The following CA10 variants were observed in gnomAD, a reference collection of about 807,000 sequenced individuals.
CA10 encodes the protein carbonic anhydrase-related protein 10.
In CA10, 14 loss-of-function variants were observed where a neutral mutation model predicts 44.2. The observed-to-expected ratio is 0.32, with a 90% CI of 0.21 to 0.50. CA10 has a LOEUF of 0.50. CA10 is among the 20% of genes least tolerant of loss of function. The pLI is 0.99. For synonymous variants in CA10, 159 were observed against 141.6 expected (o/e 1.12, Z -0.87); for missense variants, 350 against 409.7 (o/e 0.85, Z 1.26).
intron 3 of CA10, among the ~76,000 whole-genome samples, chr17:51,886,241 A>G (rs1421082808): frequency 6.6e-6 from 1 of 152,224 alleles, no homozygotes; most frequent in Admixed American, 6.5e-5. Flanking sequence ...AGTCTTAGAT[A>G]TAGATGAGAA....
intron 4 of CA10, among the ~76,000 whole-genome samples, chr17:51,668,191 A>G (rs1485136167): frequency 6.6e-6 from 1 of 152,168 alleles, no homozygotes; most frequent in Non-Finnish European, 1.5e-5. Flanking sequence ...GGCATTCCCA[A>G]GGGCGAGTGG....
In CA10 at chr17:51,697,624, C is replaced by A. The variant is rs1915446149; in HGVS notation, c.466-43888G>T. 2.6e-5 allele frequency among the ~76,000 whole-genome samples: 4 copies of A among 152,220 alleles called. 1 individual carries two copies. In the South Asian group the frequency reaches 8.3e-4, roughly 32 times the overall value. ...GTTGTATTTATTAATTAGTATCTATCTCCAACTGCTAGAATGTAAGCCATA... is the reference window on the plus strand; with the variant it reads ...GTTGTATTTATTAATTAGTATCTATATCCAACTGCTAGAATGTAAGCCATA... On this transcript the variant is annotated intron_variant, in intron 4 of 8. Transcript: ENST00000451037.
intron 3 of CA10, among the ~76,000 whole-genome samples, chr17:51,833,959 T>G (rs1407103253): frequency 2.0e-5 from 3 of 152,248 alleles, no homozygotes; most frequent in Non-Finnish European, 4.4e-5. Context: ...GGCACTGTAA[T>G]GAGGAAAGAA....
chr17:51,965,834 C>T (rs1233135241), intron 2 of CA10, among the ~76,000 whole-genome samples: 6 of 151,870 alleles, frequency 4.0e-5, no homozygotes, highest in Admixed American at 6.6e-5. Context: ...CTCACCACTC[C>T]TATTTAACAT....
intron 3 of CA10, among the ~76,000 whole-genome samples, chr17:51,859,507 T>A (rs59253464): frequency 0.014 from 2,094 of 152,288 alleles, 64 homozygotes; most frequent in African/African-American, 0.048. Flanking sequence ...CACCTTGGGA[T>A]ACCCAGTCAC....
chr17:51,969,294 T>A (rs1162100928), intron 2 of CA10, among the ~76,000 whole-genome samples: 1 of 151,976 alleles, frequency 6.6e-6, no homozygotes, highest in Non-Finnish European at 1.5e-5. Flanking sequence ...TGCCACCACA[T>A]TCCAGGTAAA....
intron 1 of CA10, among the ~76,000 whole-genome samples, chr17:52,080,897 T>C (rs1987956522): frequency 6.6e-6 from 1 of 152,320 alleles, no homozygotes; most frequent in South Asian, 2.1e-4. Flanking sequence ...TCATTTGCCA[T>C]TCCTGTTAAT....
intron 3 of CA10, among the ~76,000 whole-genome samples, chr17:51,821,855 T>C (rs374331303): frequency 1.6e-3 from 238 of 152,318 alleles, no homozygotes; most frequent in African/African-American, 5.5e-3. Context: ...CTGTTATCTA[T>C]TGGCTGTGAC....
Position 51,744,301 on chromosome 17 carries a change from C to T in CA10, c.465+3332G>A, listed in dbSNP as rs183941111. Reference sequence around the variant, plus strand: ...CTGCACTTCAGCCTGGGTGACACAGCGAGACTCCATCTCAAAAAAAAAAAA... The same window carrying T: ...CTGCACTTCAGCCTGGGTGACACAGTGAGACTCCATCTCAAAAAAAAAAAA... On this transcript the variant is annotated intron_variant, in intron 4 of 8. Transcript: ENST00000451037. 3.6e-3 allele frequency among the ~76,000 whole-genome samples: 528 copies of T among 146,464 alleles called. 15 individuals are homozygous for T. Among genetic ancestry groups the T allele is most frequent in the Admixed American group, 0.034 (496 of 14,644 alleles).
At chr17:51,632,293 G>A (rs1224808884) in intron 8 of CA10, among the ~76,000 whole-genome samples, 4 of 152,170 alleles carry the variant, frequency 2.6e-5, no homozygotes, top group Non-Finnish European at 5.9e-5. Flanking sequence ...ACTGACACAT[G>A]GTAGGAACAC....
intron 3 of CA10, among the ~76,000 whole-genome samples, chr17:51,924,229 T>C (rs1218809031): frequency 6.6e-6 from 1 of 152,150 alleles, no homozygotes; most frequent in East Asian, 1.9e-4. Context: ...GGGTATATTG[T>C]GGCCAAAGCA....
At chr17:51,704,925 C>T (rs1049692805) in intron 4 of CA10, among the ~76,000 whole-genome samples, 4 of 149,936 alleles carry the variant, frequency 2.7e-5, no homozygotes, top group African/African-American at 7.4e-5. Flanking sequence ...GCCAGGATCA[C>T]GCCATTCCAC....
intron 4 of CA10, among the ~76,000 whole-genome samples, chr17:51,677,892 C>G (rs991020750): frequency 7.0e-6 from 1 of 143,648 alleles, no homozygotes; most frequent in Non-Finnish European, 1.6e-5. Flanking sequence ...TACACCCCCC[C>G]CCCCACCGGC....
intron 4 of CA10, among the ~76,000 whole-genome samples, chr17:51,705,002 A>C (rs920096246): frequency 6.6e-6 from 1 of 151,886 alleles, no homozygotes; most frequent in Non-Finnish European, 1.5e-5. Context: ...AGAAAAGAAA[A>C]TCTATCACAT....
chr17:52,013,930 T>C (rs939195888), intron 2 of CA10, among the ~76,000 whole-genome samples: 1 of 151,944 alleles, frequency 6.6e-6, no homozygotes, highest in African/African-American at 2.4e-5. Flanking sequence ...TGTTAATTCG[T>C]GTAAGCATAG....
chr17:51,797,830 G>A (rs1416875796), intron 3 of CA10, among the ~76,000 whole-genome samples: 3 of 125,198 alleles, frequency 2.4e-5, no homozygotes, highest in African/African-American at 8.4e-5. Flanking sequence ...CTGCCTGGGT[G>A]ACAGAGCAAG....
chr17:51,912,246 A>T (rs1208730841), intron 3 of CA10, among the ~76,000 whole-genome samples: 1 of 152,190 alleles, frequency 6.6e-6, no homozygotes, highest in Non-Finnish European at 1.5e-5. Context: ...TTAAAATTAA[A>T]TTCTGAAAAC....
intron 4 of CA10, among the ~76,000 whole-genome samples, chr17:51,712,830 TTC>T (rs2143496310): frequency 6.6e-6 from 1 of 152,306 alleles, no homozygotes; most frequent in South Asian, 2.1e-4. Context: ...GTGGAGTGGT[TTC>T]TTCTTTTGGG....
rs200571580 is a variant in CA10 at position 51,764,026 on chromosome 17, TA to T, written c.280-16209del. The stretch of plus-strand genomic sequence containing the variant: ...CTGATTTTATGAACCACCATGAAAG[TA>T]AAAAAAAAAAAACTCTACAAATAAA... On this transcript the variant is annotated intron_variant, in intron 3 of 8. Transcript: ENST00000451037. Among the ~76,000 whole-genome samples the T allele has an allele frequency of 5.0e-3, 643 of 127,630 alleles. 1 individual carries two copies. The highest frequency in any genetic ancestry group is 7.3e-3 in the African/African-American group (260 of 35,732). The allele number at this position is 127,630 out of a possible 152,430, so 83.7% of individuals were successfully genotyped here.
Sources: gnomAD v4.1 joint callset for allele counts (sites outside exome capture counted in the v4.1 genomes callset) on GRCh38, gnomAD v4.1.1 for gene constraint, MANE v1.5 for transcripts, NCBI Gene and HGNC (gene_info 2026-07-23, HGNC 2026-07-21) for gene names.